The following PRRX1 variants were observed in gnomAD, a reference collection of about 807,000 sequenced individuals.
PRRX1 encodes paired mesoderm homeobox protein 1.
A neutral mutation model predicts 24.0 loss-of-function variants in PRRX1; 8 were observed. The observed-to-expected ratio is 0.33, with a 90% confidence interval of 0.20 to 0.60. The LOEUF (loss-of-function observed/expected upper bound fraction) is 0.60, where lower values mean the gene tolerates loss of function less well. PRRX1 is among the 20% of genes least tolerant of loss of function. The pLI, the probability that PRRX1 is intolerant of heterozygous loss-of-function variation, is 0.82. For synonymous variants in PRRX1, 160 were observed against 131.7 expected (o/e 1.22, Z -1.47); for missense variants, 281 against 322.4 (o/e 0.87, Z 0.98).
intron 1 of PRRX1, among the ~76,000 whole-genome samples, chr1:170,705,966 A>ACG (rs1654551218): frequency 6.6e-6 from 1 of 150,472 alleles, no homozygotes; most frequent in African/African-American, 2.5e-5. Flanking sequence ...ACACACACAC[A>ACG]CAAACATTTT....
At chr1:170,702,063 A>G (rs1456183285) in intron 1 of PRRX1, among the ~76,000 whole-genome samples, 2 of 152,266 alleles carry the variant, frequency 1.3e-5, no homozygotes, top group African/African-American at 4.8e-5. Flanking sequence ...TCGGCTCATC[A>G]GGCATTAATT....
At chr1:170,710,648 C>T (rs1284858686) in intron 1 of PRRX1, among the ~76,000 whole-genome samples, 1 of 152,258 alleles carries the variant, frequency 6.6e-6, no homozygotes, top group Non-Finnish European at 1.5e-5. Context: ...CAGTGTGACA[C>T]TATTTGGAAG....
At chr1:170,679,191 TATC>T (rs1653421447) in intron 1 of PRRX1, among the ~76,000 whole-genome samples, 1 of 152,198 alleles carries the variant, frequency 6.6e-6, no homozygotes, top group Admixed American at 6.5e-5. Flanking sequence ...TCAGAGCACT[TATC>T]ATGGTGCTTT....
At chr1:170,702,239 C>T (rs1008859267) in intron 1 of PRRX1, among the ~76,000 whole-genome samples, 1 of 152,184 alleles carries the variant, frequency 6.6e-6, no homozygotes, top group Non-Finnish European at 1.5e-5. Context: ...TGGCCCTGTT[C>T]CTATCAGGCC....
intron 1 of PRRX1, among the ~76,000 whole-genome samples, chr1:170,675,417 A>C (rs1334182722): frequency 1.3e-5 from 2 of 152,122 alleles, no homozygotes; most frequent in Non-Finnish European, 2.9e-5. Context: ...GCAAACTAGA[A>C]ATTTTCTACT....
chr1:170,732,722 G>A (rs143312775), intron 3 of PRRX1, among the ~76,000 whole-genome samples: 18 of 152,042 alleles, frequency 1.2e-4, no homozygotes, highest in African/African-American at 3.4e-4. Flanking sequence ...TACTTCTTGC[G>A]GCTATAGGAT....
intron 1 of PRRX1, among the ~76,000 whole-genome samples, chr1:170,708,788 A>G (rs1170272439): frequency 6.6e-6 from 1 of 152,208 alleles, no homozygotes; most frequent in East Asian, 1.9e-4. Flanking sequence ...CTGCAAAGTC[A>G]TTCACTGAGA....
chr1:170,677,643 A>G (rs964272097), intron 1 of PRRX1, among the ~76,000 whole-genome samples: 3 of 152,220 alleles, frequency 2.0e-5, no homozygotes, highest in African/African-American at 4.8e-5. Flanking sequence ...TCTATCTACA[A>G]TTAGAAACTG....
intron 1 of PRRX1, among the ~76,000 whole-genome samples, chr1:170,696,844 C>T (rs969918179): frequency 1.3e-5 from 2 of 152,152 alleles, no homozygotes; most frequent in African/African-American, 4.8e-5. Flanking sequence ...TTTAATTTAG[C>T]TCGGCTCATT....
intron 1 of PRRX1, among the ~76,000 whole-genome samples, chr1:170,714,927 A>ATGTATTCTAACAT (rs1654860491): frequency 6.6e-6 from 1 of 151,834 alleles, no homozygotes; most frequent in Non-Finnish European, 1.5e-5. Context: ...AGTTCTTCAT[A>ATGTATTCTAACAT]TGTATTCTAA....
chr1:170,737,584 G>T lies in PRRX1; in HGVS notation c.*1398G>T. On this transcript the variant is annotated 3_prime_UTR_variant, in exon 4 of 4. Coordinates refer to ENST00000239461, the MANE Select transcript of PRRX1 (RefSeq NM_022716.4). ...ACATGTTTAAGAGGAATACCTAAAG[G>T]TTTTTCTAAATTCCAACATTTAAAA... 1 of 212,166 alleles carries T rather than the reference G, an allele frequency of 4.7e-6. No individual in the cohort carries two copies. The highest frequency in any genetic ancestry group is 5.9e-5 in the Admixed American group (1 of 17,094). The allele number at this position is 212,166 out of a possible 1,614,324, so 13.1% of individuals were successfully genotyped here. A position where few individuals can be genotyped will look rare whatever the true frequency, so the allele number is the denominator to read the frequency against.
At chr1:170,674,257 G>C (rs2101887096) in intron 1 of PRRX1, among the ~76,000 whole-genome samples, 1 of 150,324 alleles carries the variant, frequency 6.7e-6, no homozygotes, top group East Asian at 1.9e-4. Flanking sequence ...CACACACACA[G>C]ATTGTAACTG....
intron 1 of PRRX1, among the ~76,000 whole-genome samples, chr1:170,694,498 T>C (rs1439802501): frequency 6.6e-6 from 1 of 152,188 alleles, no homozygotes; most frequent in Non-Finnish European, 1.5e-5. Context: ...GAGAGGCATA[T>C]TCCCTATATA....
chr1:170,700,632 T>C (rs1212320639), intron 1 of PRRX1, among the ~76,000 whole-genome samples: 2 of 152,178 alleles, frequency 1.3e-5, no homozygotes, highest in African/African-American at 4.8e-5. Flanking sequence ...GTATTATTAG[T>C]ACTGTCCTTC....
chr1:170,680,250 TGATA>T (rs1471892346), intron 1 of PRRX1, among the ~76,000 whole-genome samples: 1 of 152,182 alleles, frequency 6.6e-6, no homozygotes, highest in Non-Finnish European at 1.5e-5. Flanking sequence ...CTGCCCTGAA[TGATA>T]GACCAATGAA....
intron 1 of PRRX1, among the ~76,000 whole-genome samples, chr1:170,704,398 C>G (rs892597802): frequency 6.6e-6 from 1 of 152,148 alleles, no homozygotes; most frequent in African/African-American, 2.4e-5. Flanking sequence ...TCAAGAATCT[C>G]TAAGCTGTGG....
chr1:170,723,286 G>A (rs1337584132), intron 2 of PRRX1, among the ~76,000 whole-genome samples: 1 of 152,174 alleles, frequency 6.6e-6, no homozygotes, highest in Non-Finnish European at 1.5e-5. Context: ...TAATTTATGT[G>A]TATGTTGGCC....
rs549976376 is a variant in PRRX1, at chr1:170,689,537, G to C, written c.241+25078G>C. Among the ~76,000 whole-genome samples, 4 of 152,290 alleles carry C rather than the reference G, an allele frequency of 2.6e-5. No individual in the cohort carries two copies. In the South Asian group the frequency reaches 8.3e-4, roughly 32 times the overall value. On this transcript the variant is annotated intron_variant, in intron 1 of 3. Transcript: ENST00000239461. Reference sequence around the variant, plus strand: ...GTGAGTGGAAACAAGGGTGAGTTTTGAGGAAGATTTGTGTGTTTAATCTTT... The same window carrying C: ...GTGAGTGGAAACAAGGGTGAGTTTTCAGGAAGATTTGTGTGTTTAATCTTT...
intron 1 of PRRX1, among the ~76,000 whole-genome samples, chr1:170,676,435 G>A (rs1653323940): frequency 6.6e-6 from 1 of 151,242 alleles, no homozygotes; most frequent in Non-Finnish European, 1.5e-5. Context: ...GAGCTACCTT[G>A]AAGGCCAGGA....
Sources: gnomAD v4.1 joint callset for allele counts (sites outside exome capture counted in the v4.1 genomes callset) on GRCh38, gnomAD v4.1.1 for gene constraint, MANE v1.5 for transcripts, NCBI Gene and HGNC (gene_info 2026-07-23, HGNC 2026-07-21) for gene names.